The following HVCN1 variants were observed in gnomAD, a reference collection of about 807,000 sequenced individuals.
The protein encoded by HVCN1 is hydrogen voltage gated channel 1.
In HVCN1, 14 loss-of-function variants were observed where a neutral mutation model predicts 29.2. That is an observed-to-expected ratio of 0.48 (90% confidence interval 0.32 to 0.75). HVCN1 has a LOEUF of 0.75. Ranked by LOEUF, HVCN1 falls within the 30% of genes least tolerant of loss-of-function variation. The pLI is 0.04. For missense variants in HVCN1, 263 were observed against 341.8 expected, an observed-to-expected ratio of 0.77 and a Z score of 1.82; for synonymous variants, 131 against 133.2, an observed-to-expected ratio of 0.98 and a Z score of 0.11.
intron 5 of HVCN1, among the ~76,000 whole-genome samples, 197 bp downstream of exon 5, chr12:110,655,037 C>T (rs575232905): frequency 9.2e-5 from 14 of 152,170 alleles, no homozygotes; most frequent in African/African-American, 3.4e-4. Context: ...GGATTCCAGC[C>T]ATCATGTGAA....
intron 3 of HVCN1, among the ~76,000 whole-genome samples, chr12:110,682,460 A>G (rs896010949): frequency 3.3e-5 from 5 of 152,120 alleles, no homozygotes; most frequent in Admixed American, 2.0e-4. Flanking sequence ...TGGCCTCCCA[A>G]AGTGCTGGGA....
rs146503289 is a variant in HVCN1 at position 110,702,799 on chromosome 12, C to T, written c.-228-366G>A. The stretch of plus-strand genomic sequence containing the variant: ...CCTCCCGAGTAGCTGGGATTACAGG[C>T]ATGTGCAACCATGCCCAGCTAATTT... On this transcript the variant is annotated intron_variant, in intron 1 of 4. Transcript: ENST00000546713. 6.8e-3 allele frequency among the ~76,000 whole-genome samples: 1,032 copies of T among 152,246 alleles called. 1 individual carries two copies. Among genetic ancestry groups the T allele is most frequent in the Non-Finnish European group, 9.3e-3 (631 of 68,014 alleles).
intron 3 of HVCN1, among the ~76,000 whole-genome samples, chr12:110,663,419 A>C (rs2136309343): frequency 6.6e-6 from 1 of 151,816 alleles, no homozygotes; most frequent in South Asian, 2.1e-4. Context: ...CTGCGCAATA[A>C]GGCAAGACCC....
At chr12:110,701,857 A>AAAAAC (rs926400144) in intron 2 of HVCN1, among the ~76,000 whole-genome samples, 6 of 150,270 alleles carry the variant, frequency 4.0e-5, no homozygotes, top group Non-Finnish European at 5.9e-5. Context: ...ACTCTGTCTC[A>AAAAAC]AAAACAAAAC....
chr12:110,690,138 G>A (rs143775146), upstream of HVCN1, among the ~76,000 whole-genome samples: 1,055 of 152,336 alleles, frequency 6.9e-3, 13 homozygotes, highest in African/African-American at 0.024. Flanking sequence ...GAGGCGCCAG[G>A]GTAGTGTGTT....
At chr12:110,700,497 CG>C (rs2069553788) in intron 2 of HVCN1, among the ~76,000 whole-genome samples, 1 of 152,090 alleles carries the variant, frequency 6.6e-6, no homozygotes, top group Non-Finnish European at 1.5e-5. Flanking sequence ...CCGCTTATCT[CG>C]GGGTGGCATT....
At chr12:110,686,920 G>A (rs1359845843) in intron 2 of HVCN1, among the ~76,000 whole-genome samples, 1 of 152,184 alleles carries the variant, frequency 6.6e-6, no homozygotes, top group Non-Finnish European at 1.5e-5. Flanking sequence ...AAGTTGAATA[G>A]TATGGCTAAA....
intron 1 of HVCN1, among the ~76,000 whole-genome samples, chr12:110,703,487 A>G (rs2069581565): frequency 6.6e-6 from 1 of 152,182 alleles, no homozygotes; most frequent in Non-Finnish European, 1.5e-5. Flanking sequence ...GGTATCTAAG[A>G]CTTCAAAATA....
chr12:110,665,636 A>G (rs2068320987), intron 3 of HVCN1, among the ~76,000 whole-genome samples: 1 of 152,202 alleles, frequency 6.6e-6, no homozygotes, highest in Non-Finnish European at 1.5e-5. Context: ...TTACAAATAT[A>G]TTCAAGGATT....
At position 110,676,301 on chromosome 12, in the gene HVCN1, C is replaced by T. The variant is rs2068749844; in HGVS notation, c.21+6924G>A. 6.6e-6 allele frequency among the ~76,000 whole-genome samples: 1 copy of T among 152,232 alleles called. No homozygotes were observed. Among genetic ancestry groups the T allele is most frequent in the Non-Finnish European group, 1.5e-5 (1 of 68,046 alleles). On this transcript the variant is annotated intron_variant, in intron 3 of 7. Coordinates refer to ENST00000242607, the MANE Select transcript of HVCN1 (RefSeq NM_032369.4). The surrounding 1 kb of genome is among the most constrained non-coding windows in gnomAD (Gnocchi z 4.1). ...CTGCTCTCTCCTTCCCTGCTGCATT[C>T]TCCATCAGCTGCAGGAGAGCATCCC...
intron 3 of HVCN1, among the ~76,000 whole-genome samples, chr12:110,678,688 G>A (rs2068840163): frequency 6.6e-6 from 1 of 152,088 alleles, no homozygotes; most frequent in Admixed American, 6.6e-5. Context: ...CTGACCTCAA[G>A]TGATCCGCCT....
intron 4 of HVCN1, among the ~76,000 whole-genome samples, chr12:110,656,388 G>A (rs1366674284): frequency 6.6e-6 from 1 of 152,162 alleles, no homozygotes; most frequent in East Asian, 1.9e-4. Context: ...TGGTGGCTGT[G>A]GGAAGCAGCT....
chr12:110,675,044 G>A (rs2068701395), intron 3 of HVCN1, among the ~76,000 whole-genome samples: 1 of 152,232 alleles, frequency 6.6e-6, no homozygotes, highest in Non-Finnish European at 1.5e-5. Context: ...GGACTTAAAA[G>A]TGCCATCTTT....
At chr12:110,683,156 AC>A in intron 3 of HVCN1, 68 bp downstream of exon 3, 6 of 1,604,536 alleles carry the variant, frequency 3.7e-6, no homozygotes, top group Non-Finnish European at 5.1e-6. Flanking sequence ...CCTGTTTGAA[AC>A]ACCAAACAGA....
intron 2 of HVCN1, among the ~76,000 whole-genome samples, chr12:110,698,666 G>C (rs1463940575): frequency 6.6e-6 from 1 of 152,184 alleles, no homozygotes; most frequent in Non-Finnish European, 1.5e-5. Context: ...TGTCTGCAGG[G>C]ACTTCCAGGA....
At chr12:110,679,497 C>CT (rs1234985244) in intron 3 of HVCN1, among the ~76,000 whole-genome samples, 1 of 152,190 alleles carries the variant, frequency 6.6e-6, no homozygotes, top group Non-Finnish European at 1.5e-5. Flanking sequence ...GTTTTCCGCA[C>CT]GCAATCTTGT....
chr12:110,649,207 G>A lies in HVCN1; in HGVS notation c.*203C>T. 1.5e-6 allele frequency: 1 copy of A among 681,020 alleles called. No homozygotes were observed. Among genetic ancestry groups the A allele is most frequent in the East Asian group, 2.7e-5 (1 of 37,042 alleles). 42.2% of individuals were successfully genotyped at this position (681,020 alleles called of 1,614,324 possible). On this transcript the variant is annotated 3_prime_UTR_variant, in exon 8 of 8. Transcript: ENST00000242607. ...GAAAATGTGATACATTTGATACAGT[G>A]TGGGGTGGGAGTGGATGGGCAGCTC...
chr12:110,653,137 G>T lies in HVCN1; in HGVS notation c.412-1689C>A, dbSNP rs554572091. 2.6e-5 allele frequency among the ~76,000 whole-genome samples: 4 copies of T among 152,266 alleles called. No homozygotes were observed. The South Asian group carries it at 8.3e-4, about 32-fold the overall frequency. On this transcript the variant is annotated intron_variant, in intron 5 of 7. Transcript: ENST00000242607. Reference sequence around the variant, plus strand: ...AAGAGTCATTGTCATGAAGGAAAAAGAAAAGCAGGAGGATTTCTCTAGATT... The same window carrying T: ...AAGAGTCATTGTCATGAAGGAAAAATAAAAGCAGGAGGATTTCTCTAGATT...
At chr12:110,677,678 C>T (rs1342539266) in intron 3 of HVCN1, among the ~76,000 whole-genome samples, 1 of 152,206 alleles carries the variant, frequency 6.6e-6, no homozygotes, top group African/African-American at 2.4e-5. Context: ...GATCCGTGTT[C>T]TGAGGAAGGC....
Sources: allele counts gnomAD v4.1 joint callset (sites outside exome capture counted in the v4.1 genomes callset), GRCh38; gene constraint gnomAD v4.1.1; non-coding constraint Gnocchi (gnomAD v3.1); transcripts MANE v1.5; gene names NCBI Gene and HGNC (gene_info 2026-07-23, HGNC 2026-07-21).